The following FAM199X variants were observed in gnomAD, a reference collection of about 807,000 sequenced individuals.
FAM199X encodes protein FAM199X.
In FAM199X, 4 loss-of-function variants were observed where a neutral mutation model predicts 22.9. The ratio of observed to expected loss-of-function variants is 0.17; its 90% CI spans 0.09 to 0.40. The LOEUF (loss-of-function observed/expected upper bound fraction) is 0.40. Among genes scored for constraint, FAM199X ranks in the 10% least tolerant of loss-of-function variants. FAM199X has a pLI of 1.00. For synonymous variants in FAM199X, 101 were observed against 112.3 expected (o/e 0.90, Z 0.64); for missense variants, 183 against 306.8 (o/e 0.60, Z 3.01).
At chrX:104,184,595 A>G (rs1321217228) in intron 2 of FAM199X, among the ~76,000 whole-genome samples, 2 of 110,930 alleles carry the variant, frequency 1.8e-5, no homozygotes, top group African/African-American at 6.6e-5. Context: ...ATACATAAAT[A>G]TATATAAAAT....
At chrX:104,183,637 G>A (rs1254462712) in intron 2 of FAM199X, among the ~76,000 whole-genome samples, 1 of 111,143 alleles carries the variant, frequency 9.0e-6, no homozygotes. Flanking sequence ...GCTAATTTTT[G>A]TATTTTTAGT....
intron 1 of FAM199X, among the ~76,000 whole-genome samples, chrX:104,167,265 A>G (rs1397361051): frequency 6.3e-5 from 2 of 31,570 alleles, no homozygotes; most frequent in Non-Finnish European, 1.2e-4. Context: ...CCCTCCCCCC[A>G]TCTGTACCCT....
At chrX:104,179,004 C>T (rs1196119224) in intron 2 of FAM199X, among the ~76,000 whole-genome samples, 1 of 111,550 alleles carries the variant, frequency 9.0e-6, no homozygotes, top group African/African-American at 3.3e-5. Context: ...GTGGTGTGCA[C>T]CTGTGGTCTC....
intron 1 of FAM199X, among the ~76,000 whole-genome samples, chrX:104,172,970 T>C (rs1440137207): frequency 1.8e-5 from 2 of 111,421 alleles, no homozygotes; most frequent in African/African-American, 6.5e-5. Flanking sequence ...GTGTCCAGAA[T>C]GTATTTTTGT....
chrX:104,180,807 C>T (rs1221545454), intron 2 of FAM199X, among the ~76,000 whole-genome samples: 8 of 112,041 alleles, frequency 7.1e-5, no homozygotes, highest in Non-Finnish European at 7.5e-5. Flanking sequence ...AATTTGTATT[C>T]TGTTATGATT....
At chrX:104,173,015 G>T (rs782534800) in intron 1 of FAM199X, among the ~76,000 whole-genome samples, 1 of 111,735 alleles carries the variant, frequency 8.9e-6, no homozygotes, top group Non-Finnish European at 1.9e-5. Context: ...GTGTTGCTCA[G>T]ATTAGAGTAC....
intron 4 of FAM199X, 68 bp from the exon 5 acceptor site, chrX:104,187,972 T>G (rs782662805): frequency 2.2e-5 from 25 of 1,133,087 alleles, no homozygotes; most frequent in Non-Finnish European, 2.9e-5. Flanking sequence ...ATATTATTTT[T>G]CCCCCAGCAT....
At chrX:104,167,582 CTGTT>C (rs1344666196) in intron 1 of FAM199X, among the ~76,000 whole-genome samples, 1 of 109,039 alleles carries the variant, frequency 9.2e-6, no homozygotes, top group Non-Finnish European at 1.9e-5. Flanking sequence ...CCTTTATTAA[CTGTT>C]TGCCTTAGCG....
At chrX:104,161,192 A>G in the FAM199X span, among the ~76,000 whole-genome samples, 1 of 112,117 alleles carries the variant, frequency 8.9e-6, no homozygotes, top group East Asian at 2.8e-4. Context: ...ACATTTTCTT[A>G]AGAAAATATC....
At chrX:104,172,254 A>G (rs1451313413) in intron 1 of FAM199X, among the ~76,000 whole-genome samples, 6 of 106,721 alleles carry the variant, frequency 5.6e-5, no homozygotes, top group Non-Finnish European at 1.2e-4. Context: ...AAAAAAAAAA[A>G]AAAGAAATGT....
intron 2 of FAM199X, among the ~76,000 whole-genome samples, chrX:104,181,632 CTT>C (rs1556377907): frequency 8.9e-6 from 1 of 112,300 alleles, no homozygotes; most frequent in Non-Finnish European, 1.9e-5. Flanking sequence ...ACTACAAACT[CTT>C]TATATCCCAA....
chrX:104,170,104 CT>C (rs1569466606), intron 1 of FAM199X, among the ~76,000 whole-genome samples: 1 of 112,250 alleles, frequency 8.9e-6, no homozygotes, highest in Non-Finnish European at 1.9e-5. Flanking sequence ...AAGACATTTT[CT>C]TTGGTTTTGG....
At chrX:104,169,514 A>G (rs1044064191) in intron 1 of FAM199X, among the ~76,000 whole-genome samples, 1 of 112,154 alleles carries the variant, frequency 8.9e-6, no homozygotes, top group Admixed American at 9.4e-5. Context: ...ATTTTCATTA[A>G]CAAAGACAGT....
intron 2 of FAM199X, among the ~76,000 whole-genome samples, chrX:104,176,415 G>A (rs1921491576): frequency 8.9e-6 from 1 of 112,134 alleles, no homozygotes; most frequent in East Asian, 2.8e-4. Flanking sequence ...AGAAAATTTA[G>A]ATTGTGTTAT....
intron 2 of FAM199X, among the ~76,000 whole-genome samples, chrX:104,176,504 G>A (rs890532345): frequency 4.5e-5 from 5 of 112,144 alleles, no homozygotes; most frequent in Admixed American, 1.9e-4. Context: ...GATTTTATTC[G>A]CTAGATAAAC....
chrX:104,177,497 G>A (rs919333064), intron 2 of FAM199X, among the ~76,000 whole-genome samples: 4 of 111,803 alleles, frequency 3.6e-5, no homozygotes, highest in African/African-American at 9.8e-5. Context: ...TGGAATTGCT[G>A]GATCATATGA....
intron 1 of FAM199X, among the ~76,000 whole-genome samples, 184 bp from the exon 2 acceptor site, chrX:104,175,439 C>A (rs1556376211): frequency 8.9e-6 from 1 of 111,749 alleles, no homozygotes; most frequent in African/African-American, 3.2e-5. Context: ...TATTTTGAGG[C>A]AAATCCTAGA....
chrX:104,159,927 G>C, the FAM199X span, among the ~76,000 whole-genome samples: 5 of 112,268 alleles, frequency 4.5e-5, no homozygotes, highest in African/African-American at 1.6e-4. Context: ...CTACTCCAGA[G>C]CTCCTCCTGG....
At chrX:104,177,238 CT>C (rs1258990004) in intron 2 of FAM199X, among the ~76,000 whole-genome samples, 1 of 111,639 alleles carries the variant, frequency 9.0e-6, no homozygotes, top group Non-Finnish European at 1.9e-5. Context: ...TGTCTGGCTT[CT>C]TTCACTTGGA....
Sources: gnomAD v4.1 joint callset for allele counts (sites outside exome capture counted in the v4.1 genomes callset) on GRCh38, gnomAD v4.1.1 for gene constraint, MANE v1.5 for transcripts, NCBI Gene and HGNC (gene_info 2026-07-23, HGNC 2026-07-21) for gene names.